ECT2L: variants seen among roughly 807,000 people sequenced by gnomAD.
The protein encoded by ECT2L is epithelial cell transforming 2 like, also known as epithelial cell-transforming sequence 2 oncogene-like.
A neutral mutation model predicts 122.8 loss-of-function variants in ECT2L; 126 were observed. The observed-to-expected ratio is 1.03, with a 90% CI of 0.89 to 1.19. ECT2L has a LOEUF of 1.19. Ranked by LOEUF, ECT2L falls within the 50% of genes most tolerant of loss-of-function variation. The pLI, the probability that ECT2L is intolerant of heterozygous loss-of-function variation, is 0.00. For synonymous variants in ECT2L, 385 were observed against 381.8 expected, an observed-to-expected ratio of 1.01 and a Z score of -0.10; for missense variants, 1,012 against 1,064.1, an observed-to-expected ratio of 0.95 and a Z score of 0.68.
At chr6:138,852,743 A>G (rs1184739574) in intron 9 of ECT2L, among the ~76,000 whole-genome samples, 1 of 152,200 alleles carries the variant, frequency 6.6e-6, no homozygotes, top group African/African-American at 2.4e-5. Context: ...ATGTCCTCCC[A>G]AAGTAAAGCA....
chr6:138,806,533 G>C (rs1347525209), intron 1 of ECT2L, among the ~76,000 whole-genome samples: 1 of 8,272 alleles, frequency 1.2e-4, no homozygotes, highest in African/African-American at 1.3e-3. Flanking sequence ...TTTTTTTTGA[G>C]ATGGAGTCAC....
intron 20 of ECT2L, among the ~76,000 whole-genome samples, chr6:138,899,628 C>G (rs1473675032): frequency 6.6e-6 from 1 of 152,092 alleles, no homozygotes; most frequent in Non-Finnish European, 1.5e-5. Flanking sequence ...TTTTGTAACA[C>G]TTTATGTTCC....
intron 12 of ECT2L, 104 bp from the exon 13 acceptor site, chr6:138,867,999 C>CAAAACA: frequency 3.2e-6 from 1 of 311,828 alleles, no homozygotes; most frequent in Non-Finnish European, 5.0e-6. Flanking sequence ...GATTCTGTCT[C>CAAAACA]AAAAAAAAAA....
At chr6:138,826,194 C>T (rs186051081) in intron 4 of ECT2L, among the ~76,000 whole-genome samples, 1 of 152,274 alleles carries the variant, frequency 6.6e-6, no homozygotes, top group Admixed American at 6.5e-5. Flanking sequence ...AATTCATATT[C>T]CAATTCTCTC....
rs765004642 is a variant in ECT2L, at chr6:138,846,520, A to G, written c.765-19A>G. Reference sequence around the variant, plus strand: ...GTAAGAGAAAATGAAAACTTCTCATATTTCCTTTTACTCCATAGAAGCAAT... The same window carrying G: ...GTAAGAGAAAATGAAAACTTCTCATGTTTCCTTTTACTCCATAGAAGCAAT... On this transcript the variant is annotated intron_variant, in intron 7 of 21. Coordinates refer to ENST00000541398, the MANE Select transcript of ECT2L (RefSeq NM_001077706.3). 1.6e-5 allele frequency: 25 copies of G among 1,557,574 alleles called. No individual in the cohort carries two copies. The Admixed American group carries it at 4.5e-4, about 28-fold the overall frequency.
At chr6:138,822,599 C>T in intron 4 of ECT2L, 1 of 616,582 alleles carries the variant, frequency 1.6e-6, no homozygotes. Flanking sequence ...ATGGTGGAGT[C>T]TGAAAAAGGA....
At chr6:138,894,031 G>C (rs1779128343) in intron 20 of ECT2L, among the ~76,000 whole-genome samples, 2 of 152,140 alleles carry the variant, frequency 1.3e-5, no homozygotes, top group Admixed American at 1.3e-4. Context: ...TGTGAGGACA[G>C]AATTACCAAC....
chr6:138,889,590 G>T (rs1778947562), intron 20 of ECT2L, among the ~76,000 whole-genome samples: 1 of 152,178 alleles, frequency 6.6e-6, no homozygotes, highest in African/African-American at 2.4e-5. Flanking sequence ...AAAGTGCTGG[G>T]ATTACAGGCA....
At chr6:138,819,278 G>A (rs1776187224) in intron 4 of ECT2L, among the ~76,000 whole-genome samples, 1 of 151,736 alleles carries the variant, frequency 6.6e-6, no homozygotes, top group Non-Finnish European at 1.5e-5. Context: ...TAAAAGGAAG[G>A]GAGAAAGCAG....
chr6:138,807,695 TTTA>T (rs1411021481), intron 1 of ECT2L, among the ~76,000 whole-genome samples: 3 of 152,148 alleles, frequency 2.0e-5, no homozygotes, highest in Admixed American at 6.6e-5. Context: ...ATAATAATCA[TTTA>T]TTATTTCTCA....
At chr6:138,879,610 G>C (rs1270243916) in intron 14 of ECT2L, among the ~76,000 whole-genome samples, 1 of 152,088 alleles carries the variant, frequency 6.6e-6, no homozygotes, top group Non-Finnish European at 1.5e-5. Flanking sequence ...CACAACATCA[G>C]GGTATGGAAT....
At chr6:138,841,538 C>T (rs1777040581) in intron 5 of ECT2L, among the ~76,000 whole-genome samples, 1 of 152,232 alleles carries the variant, frequency 6.6e-6, no homozygotes, top group Admixed American at 6.5e-5. Context: ...TACCAAGCCT[C>T]TCCCGTCTTA....
chr6:138,865,254 T>C, intron 12 of ECT2L, 76 bp downstream of exon 12: 1 of 1,405,988 alleles, frequency 7.1e-7, no homozygotes, highest in Non-Finnish European at 9.5e-7. Flanking sequence ...CAAGTTTAGT[T>C]ATGGCGCAAG....
At chr6:138,852,499 G>A (rs1036698471) in intron 9 of ECT2L, among the ~76,000 whole-genome samples, 2 of 152,044 alleles carry the variant, frequency 1.3e-5, no homozygotes, top group Non-Finnish European at 2.9e-5. Flanking sequence ...GGGAGAGAAG[G>A]AATAAGATGA....
chr6:138,808,169 T>C (rs1355515151), intron 1 of ECT2L, among the ~76,000 whole-genome samples: 3 of 152,210 alleles, frequency 2.0e-5, no homozygotes, highest in Non-Finnish European at 4.4e-5. Flanking sequence ...GTCTTTAAAA[T>C]TTTTATCTGG....
chr6:138,881,752 A>G (rs1778654028), intron 15 of ECT2L, among the ~76,000 whole-genome samples: 2 of 151,972 alleles, frequency 1.3e-5, no homozygotes, highest in South Asian at 4.2e-4. Context: ...TTGCACTCCT[A>G]TGAGAATCTA....
chr6:138,847,355 CTTTTTTTTTTTTTTTT>C lies in ECT2L; in HGVS notation c.903+696_903+711del, dbSNP rs1170631663. On this transcript the variant is annotated intron_variant, in intron 8 of 21. Coordinates refer to ENST00000541398, the MANE Select transcript of ECT2L (RefSeq NM_001077706.3). Reference sequence around the variant, plus strand: ...TTTGAAAAAGCATTAAAGGCCCAAACTTTTTTTTTTTTTTTTTTTTTTTTTTTTTTTTTGAGATGGA... The same window carrying C: ...TTTGAAAAAGCATTAAAGGCCCAAACTTTTTTTTTTTTTTTTTGAGATGGA... Among the ~76,000 whole-genome samples, 36 of 54,956 alleles carry C rather than the reference CTTTTTTTTTTTTTTTT, an allele frequency of 6.6e-4. 2 individuals are homozygous for C. The East Asian group carries it at 0.016, about 25-fold the overall frequency. The allele number at this position is 54,956 out of a possible 152,430, so 36.1% of individuals were successfully genotyped here.
At chr6:138,894,350 C>T (rs539730814) in intron 20 of ECT2L, among the ~76,000 whole-genome samples, 8 of 152,238 alleles carry the variant, frequency 5.3e-5, no homozygotes, top group South Asian at 2.1e-4. Context: ...CCACCACACC[C>T]GGCCTACAAC....
intron 1 of ECT2L, among the ~76,000 whole-genome samples, chr6:138,796,853 A>C (rs1053059948): frequency 6.6e-5 from 10 of 152,238 alleles, no homozygotes; most frequent in African/African-American, 2.2e-4. Context: ...ATTGTATCCA[A>C]GCCTGTTAAA....
Sources: allele counts gnomAD v4.1 joint callset (sites outside exome capture counted in the v4.1 genomes callset), GRCh38; gene constraint gnomAD v4.1.1; transcripts MANE v1.5; gene names NCBI Gene and HGNC (gene_info 2026-07-23, HGNC 2026-07-21).